LRRC4B: variants seen among roughly 807,000 people sequenced by gnomAD.
LRRC4B encodes leucine-rich repeat-containing protein 4B.
A neutral mutation model predicts 7.3 loss-of-function variants in LRRC4B; 1 was observed. The ratio of observed to expected loss-of-function variants is 0.14; its 90% CI spans 0.05 to 0.65. The LOEUF (loss-of-function observed/expected upper bound fraction) is 0.65. Ranked by LOEUF, LRRC4B falls within the 30% of genes least tolerant of loss-of-function variation. The pLI is 0.84. For missense variants in LRRC4B, 730 were observed against 1,041.6 expected (o/e 0.70, Z 4.12); for synonymous variants, 500 against 499.2 (o/e 1.00, Z -0.02).
chr19:50,550,798 G>A (rs1982023132), intron 1 of LRRC4B: 1 of 152,360 alleles, frequency 6.6e-6, no homozygotes, highest in South Asian at 2.1e-4. Context: ...CTGACTATGT[G>A]AGTGCGGTGA....
At chr19:50,538,314 C>T (rs930754504) in intron 2 of LRRC4B, among the ~76,000 whole-genome samples, 1 of 152,148 alleles carries the variant, frequency 6.6e-6, no homozygotes, top group Non-Finnish European at 1.5e-5. Flanking sequence ...CCAACCGCCT[C>T]GGCCTCCCGA....
intron 2 of LRRC4B, among the ~76,000 whole-genome samples, chr19:50,544,724 T>C (rs1219302097): frequency 6.6e-6 from 1 of 152,002 alleles, no homozygotes; most frequent in Non-Finnish European, 1.5e-5. Flanking sequence ...CTAGTTTTTC[T>C]CAATTAATTT....
chr19:50,549,858 C>T (rs571470111), intron 1 of LRRC4B, among the ~76,000 whole-genome samples: 5 of 147,758 alleles, frequency 3.4e-5, no homozygotes, highest in Non-Finnish European at 4.5e-5. Flanking sequence ...GCTTGGTTCT[C>T]GGGGAGGGGA....
chr19:50,548,093 G>A lies in LRRC4B; in HGVS notation c.297+449C>T, dbSNP rs376170229. Among the ~76,000 whole-genome samples the A allele has an allele frequency of 8.5e-5, 13 of 152,158 alleles. No homozygotes were observed. The highest frequency in any genetic ancestry group is 3.1e-4 in the African/African-American group (13 of 41,434). ...TCAGCCCTCACAGCAACACCTCAACGCAGGGGCTTGCATTGTCCCCGCTTT... is the reference window on the plus strand; with the variant it reads ...TCAGCCCTCACAGCAACACCTCAACACAGGGGCTTGCATTGTCCCCGCTTT... On this transcript the variant is annotated intron_variant, in intron 2 of 2. Coordinates refer to ENST00000652263, the MANE Select transcript of LRRC4B (RefSeq NM_001080457.2). The surrounding 1 kb of genome is among the most constrained non-coding windows in gnomAD (Gnocchi z 6.8).
rs994367763 is a variant in LRRC4B at position 50,553,339 on chromosome 19, G to T, written c.-35-4466C>A. Among the ~76,000 whole-genome samples the T allele has an allele frequency of 2.0e-5, 3 of 152,156 alleles. No individual in the cohort carries two copies. The highest frequency in any genetic ancestry group is 7.2e-5 in the African/African-American group (3 of 41,432). On this transcript the variant is annotated intron_variant, in intron 1 of 2. Coordinates refer to ENST00000652263, the MANE Select transcript of LRRC4B (RefSeq NM_001080457.2). The surrounding 1 kb of genome is among the most constrained non-coding windows in gnomAD (Gnocchi z 4.2). ...CCTTCCACAGCTCCCGTCCCACTCA[G>T]AGCAGAGATGAGGACTTCAGTTTTC...
At chr19:50,551,142 C>T (rs1422787664) in intron 1 of LRRC4B, 1 of 151,690 alleles carries the variant, frequency 6.6e-6, no homozygotes, top group Non-Finnish European at 1.5e-5. Context: ...CGCCCTCCGC[C>T]ATCTCCCATC....
At chr19:50,536,319 AG>A (rs960457179) in intron 2 of LRRC4B, among the ~76,000 whole-genome samples, 17 of 152,074 alleles carry the variant, frequency 1.1e-4, no homozygotes, top group African/African-American at 3.6e-4. Context: ...TTTTTAGTAG[AG>A]ATGGGGTTTC....
intron 2 of LRRC4B, among the ~76,000 whole-genome samples, chr19:50,544,898 G>GA (rs939692750): frequency 3.3e-5 from 5 of 150,594 alleles, no homozygotes; most frequent in African/African-American, 9.8e-5. Flanking sequence ...TCATAAAAAA[G>GA]AAAAAAAATC....
chr19:50,534,292 T>A (rs1981172150), intron 2 of LRRC4B, among the ~76,000 whole-genome samples: 1 of 151,658 alleles, frequency 6.6e-6, no homozygotes, highest in Non-Finnish European at 1.5e-5. Context: ...AAGGCCTGAT[T>A]TGAAACACCC....
At position 50,563,813 on chromosome 19, in the gene LRRC4B, G is replaced by C. The variant is rs1982544590; in HGVS notation, c.-36+4131C>G. Among the ~76,000 whole-genome samples, 1 of 152,216 alleles carries C rather than the reference G, an allele frequency of 6.6e-6. No individual in the cohort carries two copies. The highest frequency in any genetic ancestry group is 1.5e-5 in the Non-Finnish European group (1 of 68,046). Reference sequence around the variant, plus strand: ...AGTTTCACAGCAGATCCTGGTCCTGGAGAATGGGCGTGTGCTCTGCGTCCT... The same window carrying C: ...AGTTTCACAGCAGATCCTGGTCCTGCAGAATGGGCGTGTGCTCTGCGTCCT... On this transcript the variant is annotated intron_variant, in intron 1 of 2. Transcript: ENST00000652263. This position sits in a 1 kb window ranked among gnomAD's most constrained non-coding sequence, Gnocchi z 4.9.
intron 2 of LRRC4B, among the ~76,000 whole-genome samples, chr19:50,542,470 T>G (rs940361134): frequency 3.4e-4 from 39 of 114,048 alleles, no homozygotes; most frequent in African/African-American, 1.6e-3. Flanking sequence ...GAATTGCTGA[T>G]TTTTTTTTTT....
chr19:50,521,076 C>T (rs1980559595), intron 2 of LRRC4B, among the ~76,000 whole-genome samples: 1 of 152,146 alleles, frequency 6.6e-6, no homozygotes, highest in South Asian at 2.1e-4. Flanking sequence ...AGGGACCTGG[C>T]TGCTGTGACC....
chr19:50,531,916 G>A (rs1341157952), intron 2 of LRRC4B, among the ~76,000 whole-genome samples: 1 of 152,204 alleles, frequency 6.6e-6, no homozygotes, highest in East Asian at 1.9e-4. Context: ...TAATTCAGTT[G>A]ATAATGATCA....
In LRRC4B at chr19:50,520,203, C is replaced by CAAAAAAAAAAAAAAAAAAAAAAAAAAAAA. The variant is rs1173919963; in HGVS notation, c.298-817_298-789dup. On this transcript the variant is annotated intron_variant, in intron 2 of 2. Transcript: ENST00000652263. ...CCTGGGCAATGAAGTAATACCCTGTCAAAAAAAAAAAAAAAAAAAAAAAAA... is the reference window on the plus strand; with the variant it reads ...CCTGGGCAATGAAGTAATACCCTGTCAAAAAAAAAAAAAAAAAAAAAAAAAAAAAAAAAAAAAAAAAAAAAAAAAAAAAA... Among the ~76,000 whole-genome samples the CAAAAAAAAAAAAAAAAAAAAAAAAAAAAA allele has an allele frequency of 4.3e-4, 4 of 9,380 alleles. 1 individual carries two copies. The highest frequency in any genetic ancestry group is 7.6e-4 in the Non-Finnish European group (4 of 5,266). 6.2% of individuals were successfully genotyped at this position (9,380 alleles called of 152,430 possible). A position where few individuals can be genotyped will look rare whatever the true frequency, so the allele number is the denominator to read the frequency against.
chr19:50,565,657 C>A (rs1300412708), intron 1 of LRRC4B, among the ~76,000 whole-genome samples: 1 of 151,902 alleles, frequency 6.6e-6, no homozygotes, highest in African/African-American at 2.4e-5. Context: ...GTCCCTCTGA[C>A]AAGTCAGAAG....
At chr19:50,521,485 T>C (rs1304316954) in intron 2 of LRRC4B, among the ~76,000 whole-genome samples, 2 of 152,194 alleles carry the variant, frequency 1.3e-5, no homozygotes, top group African/African-American at 4.8e-5. Context: ...TGGAGTGCAG[T>C]TGCACAATCT....
At chr19:50,529,876 C>T (rs779083355) in intron 2 of LRRC4B, among the ~76,000 whole-genome samples, 1 of 152,108 alleles carries the variant, frequency 6.6e-6, no homozygotes, top group African/African-American at 2.4e-5. Context: ...TGGAACTTTC[C>T]CCCTCTCTGG....
At chr19:50,558,457 C>T (rs748019411) in intron 1 of LRRC4B, among the ~76,000 whole-genome samples, 7 of 152,124 alleles carry the variant, frequency 4.6e-5, no homozygotes, top group African/African-American at 9.7e-5. Context: ...CTCAAACTCT[C>T]GGCCTCAAAC....
chr19:50,548,690 C>A lies in LRRC4B; in HGVS notation c.149G>T (p.Gly50Val). Reference protein sequence around the residue: ...GVAVTSAAGGGSPPATSCPVA... With the variant: ...GVAVTSAAGGVSPPATSCPVA... Reference sequence around the variant, plus strand: ...GGGGCAGGAGGTGGCCGGCGGGGAGCCCCCTCCGGCGGCAGACGTCACGGC... The same window carrying A: ...GGGGCAGGAGGTGGCCGGCGGGGAGACCCCTCCGGCGGCAGACGTCACGGC... The change falls in exon 2 of 3, where the codon GGC becomes GTC. Residue 50 changes from glycine to valine, a missense_variant. Coordinates refer to ENST00000652263, the MANE Select transcript of LRRC4B (RefSeq NM_001080457.2). This position sits in a 1 kb window ranked among gnomAD's most constrained non-coding sequence, Gnocchi z 6.8. The A allele has an allele frequency of 6.5e-7, 1 of 1,547,650 alleles. No homozygotes were observed. The highest frequency in any genetic ancestry group is 8.7e-7 in the Non-Finnish European group (1 of 1,150,182).
Sources: allele counts gnomAD v4.1 joint callset (sites outside exome capture counted in the v4.1 genomes callset), GRCh38; gene constraint gnomAD v4.1.1; non-coding constraint Gnocchi (gnomAD v3.1); transcripts MANE v1.5; gene names NCBI Gene and HGNC (gene_info 2026-07-23, HGNC 2026-07-21).